The following SLC11A2 variants were observed in gnomAD, a reference collection of about 807,000 sequenced individuals.
SLC11A2 encodes the protein solute carrier family 11 member 2.
Under a neutral mutation model 68.0 loss-of-function variants are expected in SLC11A2, and 38 were observed. That is an observed-to-expected ratio of 0.56 (90% confidence interval 0.43 to 0.73). The LOEUF is 0.73. Ranked by LOEUF, SLC11A2 falls within the 30% of genes least tolerant of loss-of-function variation. The probability of loss-of-function intolerance (pLI) is 0.00; values close to 1 mark genes in which losing one functional copy is unlikely to be tolerated. For synonymous variants in SLC11A2, 242 were observed against 250.6 expected (o/e 0.97, Z 0.32); for missense variants, 517 against 690.5 (o/e 0.75, Z 2.82).
rs1477858571 is a variant in SLC11A2, at chr12:51,026,354, G to A, written c.-83C>T. On this transcript the variant is annotated 5_prime_UTR_variant, in exon 1 of 16. Coordinates refer to ENST00000262052, the MANE Select transcript of SLC11A2 (RefSeq NM_000617.3). ...CCTGACACGCCGCCCCCGCGCCCAG[G>A]GCTCCATATTCCGGGAGCCAGCGCC... 3.1e-6 allele frequency: 4 copies of A among 1,282,090 alleles called. No individual in the cohort carries two copies. Among genetic ancestry groups the A allele is most frequent in the African/African-American group, 1.5e-5 (1 of 65,596 alleles). The allele number at this position is 1,282,090 out of a possible 1,614,324, so 79.4% of individuals were successfully genotyped here.
the SLC11A2 span, among the ~76,000 whole-genome samples, chr12:50,955,392 C>T: frequency 6.6e-6 from 1 of 152,160 alleles, no homozygotes; most frequent in Non-Finnish European, 1.5e-5. Flanking sequence ...TTAAAAAACC[C>T]CACAAAACCT....
At position 50,986,701 on chromosome 12, in the gene SLC11A2, C is replaced by G; in HGVS notation, c.*1624G>C. 1 of 1,286,872 alleles carries G rather than the reference C, an allele frequency of 7.8e-7. No individual in the cohort carries two copies. The highest frequency in any genetic ancestry group is 1.2e-5 in the South Asian group (1 of 80,914). 79.7% of individuals were successfully genotyped at this position (1,286,872 alleles called of 1,614,324 possible). A position where few individuals can be genotyped will look rare whatever the true frequency, so the allele number is the denominator to read the frequency against. On this transcript the variant is annotated 3_prime_UTR_variant, in exon 16 of 16. Transcript: ENST00000262052. ...GAATTACGATGGTAAGGGGAAGAGG[C>G]AGATATGAAGAGGAATGGTTAGGGG...
chr12:51,024,726 A>T (rs1349637295), intron 1 of SLC11A2: 1 of 152,228 alleles, frequency 6.6e-6, no homozygotes, highest in Non-Finnish European at 1.5e-5. Flanking sequence ...GTCATAACTG[A>T]ACCAAAGCTG....
chr12:51,005,570 G>A, intron 3 of SLC11A2, 134 bp from the exon 4 acceptor site: 5 of 1,511,696 alleles, frequency 3.3e-6, no homozygotes, highest in Non-Finnish European at 3.6e-6. Context: ...GATATTGCAT[G>A]TGTCCAAGTT....
At chr12:50,962,704 GA>G in the SLC11A2 span, among the ~76,000 whole-genome samples, 2 of 151,280 alleles carry the variant, frequency 1.3e-5, no homozygotes, top group Admixed American at 6.6e-5. Flanking sequence ...CTCAAAAAAA[GA>G]AAAAAAAATT....
rs769942052 is a variant in SLC11A2, at chr12:50,990,919, A to G, written c.1451T>C (p.Val484Ala). ...CATATTGATGGAACAGATGATAAGGACCAAGATTCCTCCTGCAATCCGCCA... is the reference window on the plus strand; with the variant it reads ...CATATTGATGGAACAGATGATAAGGGCCAAGATTCCTCCTGCAATCCGCCA... ...LGWRIAGGILVLIICSINMYF... is the reference protein window; with the variant it reads ...LGWRIAGGILALIICSINMYF... The change falls in exon 15 of 16, where the codon GTC becomes GCC. Residue 484 changes from valine to alanine, a missense_variant. Physicochemically the swap from Val to Ala is moderately conservative, Grantham distance 64. Transcript: ENST00000262052. 57 of 1,614,102 alleles carry G rather than the reference A, an allele frequency of 3.5e-5. No homozygotes were observed. Among genetic ancestry groups the G allele is most frequent in the Non-Finnish European group, 4.8e-5 (57 of 1,179,976 alleles).
Position 50,986,408 on chromosome 12 carries a change from A to C in SLC11A2, c.*1917T>G. 1 of 1,282,440 alleles carries C rather than the reference A, an allele frequency of 7.8e-7. No individual in the cohort carries two copies. The highest frequency in any genetic ancestry group is 1.0e-6 in the Non-Finnish European group (1 of 984,678). The allele number at this position is 1,282,440 out of a possible 1,614,324, so 79.4% of individuals were successfully genotyped here. A position where few individuals can be genotyped will look rare whatever the true frequency, so the allele number is the denominator to read the frequency against. ...TACACACATAATATTATAAAATGCCATTTAATTGGAAGGAGTTTTCTATCA... is the reference window on the plus strand; with the variant it reads ...TACACACATAATATTATAAAATGCCCTTTAATTGGAAGGAGTTTTCTATCA... On this transcript the variant is annotated 3_prime_UTR_variant, in exon 16 of 16. Coordinates refer to ENST00000262052, the MANE Select transcript of SLC11A2 (RefSeq NM_000617.3).
chr12:51,010,685 G>T lies in SLC11A2; in HGVS notation c.34+10C>A. ...ATAAAATTAGACAATAACACAAAGCGGTAAATTACCATCTGACATCTTCTG... is the reference window on the plus strand; with the variant it reads ...ATAAAATTAGACAATAACACAAAGCTGTAAATTACCATCTGACATCTTCTG... On this transcript the variant is annotated intron_variant, in intron 2 of 15. Coordinates refer to ENST00000262052, the MANE Select transcript of SLC11A2 (RefSeq NM_000617.3). 2.7e-6 allele frequency: 4 copies of T among 1,481,128 alleles called. No homozygotes were observed. In the East Asian group the frequency reaches 9.0e-5, roughly 33 times the overall value. 91.7% of individuals were successfully genotyped at this position (1,481,128 alleles called of 1,614,324 possible). A position where few individuals can be genotyped will look rare whatever the true frequency, so the allele number is the denominator to read the frequency against.
the SLC11A2 span, among the ~76,000 whole-genome samples, chr12:50,968,668 A>G: frequency 1.3e-5 from 2 of 151,946 alleles, no homozygotes; most frequent in African/African-American, 4.8e-5. Context: ...TTGCCTCCTG[A>G]GTAGCTGGGA....
chr12:50,953,463 C>T, the SLC11A2 span, among the ~76,000 whole-genome samples: 1 of 152,188 alleles, frequency 6.6e-6, no homozygotes, highest in African/African-American at 2.4e-5. Context: ...AATCCATTGT[C>T]TAGCATAGCA....
At chr12:50,994,281 A>G (rs1189412118) in intron 11 of SLC11A2, among the ~76,000 whole-genome samples, 1 of 152,128 alleles carries the variant, frequency 6.6e-6, no homozygotes, top group Non-Finnish European at 1.5e-5. Context: ...TCCTGAGCTC[A>G]AGTGATCCAC....
At chr12:50,954,269 G>A in the SLC11A2 span, 1 of 462,200 alleles carries the variant, frequency 2.2e-6, no homozygotes, top group Non-Finnish European at 3.8e-6. Context: ...TAAGCCCCCA[G>A]TAAATGTTAG....
intron 15 of SLC11A2, 186 bp downstream of exon 15, chr12:50,990,609 T>C (rs574488425): frequency 1.3e-5 from 8 of 611,192 alleles, no homozygotes; most frequent in African/African-American, 1.3e-4. Flanking sequence ...GGAGTCTTAC[T>C]ATGTTGCCCA....
At chr12:51,006,914 A>AT (rs1004739613) in intron 3 of SLC11A2, among the ~76,000 whole-genome samples, 3 of 146,780 alleles carry the variant, frequency 2.0e-5, no homozygotes, top group Admixed American at 6.7e-5. Context: ...ATTTTATTTT[A>AT]TTTTTTTTAC....
chr12:50,983,270 C>T (rs905437719), downstream of SLC11A2, among the ~76,000 whole-genome samples: 18 of 152,172 alleles, frequency 1.2e-4, no homozygotes, highest in Non-Finnish European at 5.9e-5. Context: ...TTCTCGAATA[C>T]ACCTTGAGAC....
chr12:51,002,433 G>A (rs1250418299), intron 5 of SLC11A2, among the ~76,000 whole-genome samples: 4 of 151,880 alleles, frequency 2.6e-5, no homozygotes, highest in African/African-American at 9.7e-5. Context: ...GAGGTCTGGA[G>A]TTTGAGATCA....
chr12:50,999,451 G>C (rs138649224), intron 6 of SLC11A2, 36 bp from the exon 7 acceptor site: 2 of 1,497,482 alleles, frequency 1.3e-6, no homozygotes, highest in Admixed American at 3.3e-5. Flanking sequence ...TCAGAGAGAC[G>C]GAAAGAAAGG....
In SLC11A2 at chr12:50,987,725, C is replaced by T. The variant is rs772752245; in HGVS notation, c.*600G>A. ...TTTCCCCTTCTTTGTTTTCTCACCC[C>T]TCTTAACTTCCACTGAGAAATTAAA... On this transcript the variant is annotated 3_prime_UTR_variant, in exon 16 of 16. Coordinates refer to ENST00000262052, the MANE Select transcript of SLC11A2 (RefSeq NM_000617.3). 1 of 1,287,144 alleles carries T rather than the reference C, an allele frequency of 7.8e-7. No homozygotes were observed. Among genetic ancestry groups the T allele is most frequent in the South Asian group, 1.2e-5 (1 of 80,928 alleles). The allele number at this position is 1,287,144 out of a possible 1,614,324, so 79.7% of individuals were successfully genotyped here. A position where few individuals can be genotyped will look rare whatever the true frequency, so the allele number is the denominator to read the frequency against.
chr12:51,011,560 TTG>T lies in SLC11A2; in HGVS notation c.-38-796_-38-795del, dbSNP rs1566026794. ...CCCCTATTTTATGAGTTGTTTTTTTTTGTTTTTTTTTTAGTTTTTTTAGACGG... is the reference window on the plus strand; with the variant it reads ...CCCCTATTTTATGAGTTGTTTTTTTTTTTTTTTTTTAGTTTTTTTAGACGG... On this transcript the variant is annotated intron_variant, in intron 1 of 15. Coordinates refer to ENST00000262052, the MANE Select transcript of SLC11A2 (RefSeq NM_000617.3). Among the ~76,000 whole-genome samples, 6 of 149,702 alleles carry T rather than the reference TTG, an allele frequency of 4.0e-5. 1 individual carries two copies. Among genetic ancestry groups the T allele is most frequent in the Non-Finnish European group, 8.9e-5 (6 of 67,212 alleles).
Sources: gnomAD v4.1 joint callset for allele counts (sites outside exome capture counted in the v4.1 genomes callset) on GRCh38, gnomAD v4.1.1 for gene constraint, MANE v1.5 for transcripts, NCBI Gene and HGNC (gene_info 2026-07-23, HGNC 2026-07-21) for gene names.